The following ZSCAN25 variants were observed in gnomAD, a reference collection of about 807,000 sequenced individuals.
ZSCAN25 encodes the protein zinc finger and SCAN domain containing 25.
ZSCAN25 carries 27 observed loss-of-function variants against 38.7 expected under a neutral mutation model. The ratio of observed to expected loss-of-function variants is 0.70; its 90% CI spans 0.51 to 0.96. The LOEUF (loss-of-function observed/expected upper bound fraction) is 0.96, where lower values mean the gene tolerates loss of function less well. Among genes scored for constraint, ZSCAN25 ranks in the 40% least tolerant of loss-of-function variants. ZSCAN25 has a pLI of 0.00. For missense variants in ZSCAN25, 637 were observed against 705.9 expected, an observed-to-expected ratio of 0.90 and a Z score of 1.11; for synonymous variants, 273 against 277.7, an observed-to-expected ratio of 0.98 and a Z score of 0.17.
chr7:99,646,185 C>T, the ZSCAN25 span, among the ~76,000 whole-genome samples: 1 of 152,130 alleles, frequency 6.6e-6, no homozygotes, highest in African/African-American at 2.4e-5. Flanking sequence ...TGCATTGAAT[C>T]CATATATTGC....
chr7:99,733,845 C>T, the ZSCAN25 span, among the ~76,000 whole-genome samples: 28 of 152,168 alleles, frequency 1.8e-4, no homozygotes, highest in Non-Finnish European at 3.2e-4. Context: ...GGATAACCTG[C>T]TAAGCAGGTG....
intron 7 of ZSCAN25, among the ~76,000 whole-genome samples, chr7:99,625,359 C>G (rs1297784971): frequency 1.3e-5 from 2 of 152,180 alleles, no homozygotes; most frequent in Admixed American, 6.5e-5. Context: ...GTGGACTTGG[C>G]TCTGTGGCCA....
At chr7:99,632,436 C>T (rs114635545), downstream of ZSCAN25, 997 of 252,930 alleles carry the variant, frequency 3.9e-3, 6 homozygotes, top group African/African-American at 0.022. Context: ...CCTTCCTCCC[C>T]GTCTTCCTCC....
At chr7:99,718,738 A>G in the ZSCAN25 span, among the ~76,000 whole-genome samples, 1 of 152,246 alleles carries the variant, frequency 6.6e-6, no homozygotes, top group Non-Finnish European at 1.5e-5. Flanking sequence ...AAGTGACATA[A>G]TTGTCAATGT....
chr7:99,691,625 AT>A, the ZSCAN25 span, among the ~76,000 whole-genome samples: 1 of 152,150 alleles, frequency 6.6e-6, no homozygotes, highest in Admixed American at 6.5e-5. Flanking sequence ...TTCTTGTTGA[AT>A]TGATCCCTTT....
At chr7:99,720,250 G>A in the ZSCAN25 span, 11 of 1,584,904 alleles carry the variant, frequency 6.9e-6, no homozygotes, top group South Asian at 1.1e-4. Flanking sequence ...GAATATATAA[G>A]AATTTTAAAA....
chr7:99,679,889 A>C, the ZSCAN25 span: 2 of 1,614,060 alleles, frequency 1.2e-6, no homozygotes, highest in Non-Finnish European at 1.7e-6. Context: ...ATTTGGGATG[A>C]GGTCCATCGC....
the ZSCAN25 span, among the ~76,000 whole-genome samples, chr7:99,704,447 T>C: frequency 2.0e-5 from 3 of 151,974 alleles, no homozygotes; most frequent in African/African-American, 7.2e-5. Context: ...TGTGCCACCA[T>C]ACCTAGCTAA....
At chr7:99,709,390 C>A in the ZSCAN25 span, 1 of 1,399,590 alleles carries the variant, frequency 7.1e-7, no homozygotes, top group Non-Finnish European at 9.8e-7. Context: ...TTGTAGCATT[C>A]ATAAAGTATT....
At chr7:99,674,502 T>G in the ZSCAN25 span, 1 of 1,589,384 alleles carries the variant, frequency 6.3e-7, no homozygotes, top group Non-Finnish European at 8.6e-7. Flanking sequence ...CAGTAGCAGG[T>G]CTATCCAATG....
the ZSCAN25 span, chr7:99,638,526 G>T: frequency 6.6e-7 from 1 of 1,509,258 alleles, no homozygotes; most frequent in South Asian, 1.1e-5. Context: ...CAGACCTTGG[G>T]TCCCAGTGTA....
the ZSCAN25 span, among the ~76,000 whole-genome samples, chr7:99,660,990 T>C: frequency 1.3e-5 from 2 of 152,214 alleles, no homozygotes; most frequent in Non-Finnish European, 2.9e-5. Context: ...TGAATGATCC[T>C]AAAAGTACTT....
rs1356576389 is a variant in ZSCAN25, at chr7:99,629,559, A to C, written c.1174A>C (p.Lys392Gln). The C allele has an allele frequency of 6.2e-7, 1 of 1,614,046 alleles. No homozygotes were observed. The highest frequency in any genetic ancestry group is 1.3e-5 in the African/African-American group (1 of 74,916). Residue 392 changes from lysine to glutamine, a missense_variant, in exon 8 of 8, where the codon AAG becomes CAG. Physicochemically the swap from Lys to Gln is moderately conservative, Grantham distance 53. Transcript: ENST00000394152. The surrounding 1 kb of genome is among the most constrained non-coding windows in gnomAD (Gnocchi z 5.6). The stretch of plus-strand genomic sequence containing the variant: ...CTTTACCCTGAGAGAATACCTGATG[A>C]AGCACCAGAGAACCCACCTGGGAAA... Reference protein sequence around the residue: ...KGFTLREYLMKHQRTHLGKRP... With the variant: ...KGFTLREYLMQHQRTHLGKRP...
At chr7:99,675,062 C>T in the ZSCAN25 span, among the ~76,000 whole-genome samples, 2 of 152,160 alleles carry the variant, frequency 1.3e-5, no homozygotes, top group Non-Finnish European at 2.9e-5. Flanking sequence ...TTAAAGAAAC[C>T]AGGAACCTCT....
chr7:99,663,989 A>G, the ZSCAN25 span: 1 of 1,590,276 alleles, frequency 6.3e-7, no homozygotes, highest in Admixed American at 1.9e-5. Flanking sequence ...CGTTGAGGCG[A>G]CTTTTCTTCA....
At chr7:99,624,546 G>T (rs1364217324) in intron 7 of ZSCAN25, 1 of 238,528 alleles carries the variant, frequency 4.2e-6, no homozygotes, top group African/African-American at 2.2e-5. Flanking sequence ...CCCTGCATGT[G>T]GGCCCTGTGT....
the ZSCAN25 span, among the ~76,000 whole-genome samples, chr7:99,639,989 C>G: frequency 6.6e-6 from 1 of 152,116 alleles, no homozygotes; most frequent in Non-Finnish European, 1.5e-5. Context: ...ATTGCTTGAG[C>G]CCAGGAGGTC....
At chr7:99,706,647 T>G in the ZSCAN25 span, among the ~76,000 whole-genome samples, 21 of 152,282 alleles carry the variant, frequency 1.4e-4, 2 homozygotes, top group East Asian at 4.1e-3. Context: ...TATAACACAT[T>G]ATTTAAAAAT....
At chr7:99,652,897 T>G in the ZSCAN25 span, 1 of 737,796 alleles carries the variant, frequency 1.4e-6, no homozygotes, top group African/African-American at 1.8e-5. Flanking sequence ...TGGTAAATGA[T>G]CATAGTATTC....
Sources: gnomAD v4.1 joint callset for allele counts (sites outside exome capture counted in the v4.1 genomes callset) on GRCh38, gnomAD v4.1.1 for gene constraint, Gnocchi (gnomAD v3.1) non-coding constraint, MANE v1.5 for transcripts, NCBI Gene and HGNC (gene_info 2026-07-23, HGNC 2026-07-21) for gene names.